The following HSD17B11 variants were observed in gnomAD, a reference collection of about 807,000 sequenced individuals.
HSD17B11 encodes the protein hydroxysteroid 17-beta dehydrogenase 11, also known as estradiol 17-beta-dehydrogenase 11.
Under a neutral mutation model 27.8 loss-of-function variants are expected in HSD17B11, and 22 were observed. The ratio of observed to expected loss-of-function variants is 0.79; its 90% CI spans 0.56 to 1.13. HSD17B11 has a LOEUF of 1.13. Ranked by LOEUF, HSD17B11 falls within the 50% of genes most tolerant of loss-of-function variation. The pLI, the probability that HSD17B11 is intolerant of heterozygous loss-of-function variation, is 0.00. For missense variants in HSD17B11, 314 were observed against 351.1 expected, an observed-to-expected ratio of 0.89 and a Z score of 0.84; for synonymous variants, 117 against 132.8, an observed-to-expected ratio of 0.88 and a Z score of 0.82.
chr4:87,384,449 A>C (rs1323983726), intron 1 of HSD17B11, among the ~76,000 whole-genome samples: 1 of 152,222 alleles, frequency 6.6e-6, no homozygotes, highest in Non-Finnish European at 1.5e-5. Context: ...GGGGTCGGGC[A>C]AAAAAGAGCC....
At chr4:87,378,831 AAT>A (rs370260155) in intron 2 of HSD17B11, among the ~76,000 whole-genome samples, 2,490 of 21,372 alleles carry the variant, frequency 0.12, 322 homozygotes, top group African/African-American at 0.23. Flanking sequence ...TATATATATA[AAT>A]ATATATATAT....
chr4:87,369,795 T>C (rs1735675962), intron 4 of HSD17B11, among the ~76,000 whole-genome samples: 2 of 152,218 alleles, frequency 1.3e-5, no homozygotes, highest in Non-Finnish European at 2.9e-5. Context: ...TCAGTTTTAC[T>C]GAGCGTTCCC....
chr4:87,362,102 C>T (rs760921671), intron 4 of HSD17B11, among the ~76,000 whole-genome samples: 2 of 152,176 alleles, frequency 1.3e-5, no homozygotes, highest in Non-Finnish European at 2.9e-5. Context: ...GGTTAGAGGC[C>T]CAACTTAGGG....
chr4:87,386,248 C>CT (rs1318760292), intron 1 of HSD17B11, among the ~76,000 whole-genome samples: 2 of 151,360 alleles, frequency 1.3e-5, no homozygotes, highest in Non-Finnish European at 2.9e-5. Context: ...TGTCACCCAG[C>CT]CTGGAGTGCA....
At chr4:87,385,578 T>C (rs975952722) in intron 1 of HSD17B11, among the ~76,000 whole-genome samples, 2 of 152,116 alleles carry the variant, frequency 1.3e-5, no homozygotes, top group Non-Finnish European at 2.9e-5. Flanking sequence ...TAAAATGGTG[T>C]GTTATGTCAT....
At chr4:87,365,300 A>C (rs1735594908) in intron 4 of HSD17B11, among the ~76,000 whole-genome samples, 1 of 152,238 alleles carries the variant, frequency 6.6e-6, no homozygotes, top group African/African-American at 2.4e-5. Context: ...TTTTCAGAAA[A>C]ATAGAAACTA....
Position 87,382,300 on chromosome 4 carries a change from C to T in HSD17B11, c.273G>A (p.Val91=). 6.2e-7 allele frequency: 1 copy of T among 1,614,074 alleles called. No individual in the cohort carries two copies. The highest frequency in any genetic ancestry group is 8.5e-7 in the Non-Finnish European group (1 of 1,179,960). ...KGLGAKVHTF[V]VDCSNREDIY... ...TATCTTCTCGGTTGCTGCAGTCTAC[C>T]ACAAAGGTATGAACCTTGGCACCCA... Residue 91 remains valine, a synonymous_variant, in exon 2 of 7, where the codon GTG becomes GTA. Transcript: ENST00000358290.
intron 4 of HSD17B11, among the ~76,000 whole-genome samples, chr4:87,362,084 T>C (rs926419996): frequency 1.3e-5 from 2 of 152,172 alleles, no homozygotes; most frequent in Non-Finnish European, 2.9e-5. Flanking sequence ...GGGTAAAGAA[T>C]GGGATTGGGT....
intron 5 of HSD17B11, among the ~76,000 whole-genome samples, chr4:87,355,595 T>G (rs1318920099): frequency 6.6e-6 from 1 of 152,114 alleles, no homozygotes; most frequent in African/African-American, 2.4e-5. Flanking sequence ...TTGTTTCTTA[T>G]GTATTAATTA....
chr4:87,381,555 C>T (rs182451631), intron 2 of HSD17B11, among the ~76,000 whole-genome samples: 114 of 151,624 alleles, frequency 7.5e-4, no homozygotes, highest in Non-Finnish European at 1.4e-3. Flanking sequence ...CTCAGGAGTT[C>T]GAGATCAGCC....
intron 4 of HSD17B11, among the ~76,000 whole-genome samples, chr4:87,359,056 C>G (rs757421966): frequency 4.8e-4 from 73 of 152,110 alleles, no homozygotes; most frequent in Non-Finnish European, 8.2e-4. Context: ...TACTCTCTCT[C>G]GCTGTCTCTC....
chr4:87,380,270 C>G (rs111990499), intron 2 of HSD17B11, among the ~76,000 whole-genome samples: 16 of 150,022 alleles, frequency 1.1e-4, no homozygotes, highest in Non-Finnish European at 1.8e-4. Context: ...GTCAGGAGAT[C>G]GAGACCATCC....
At chr4:87,344,632 A>G (rs545707078) in intron 5 of HSD17B11, among the ~76,000 whole-genome samples, 1 of 152,334 alleles carries the variant, frequency 6.6e-6, no homozygotes, top group South Asian at 2.1e-4. Context: ...AGACTTGAAT[A>G]ACACTATAAA....
chr4:87,385,928 A>AG (rs1439107218), intron 1 of HSD17B11: 1 of 151,946 alleles, frequency 6.6e-6, no homozygotes, highest in Admixed American at 6.6e-5. Context: ...AAAAAAAAAA[A>AG]AAGTATATTG....
Position 87,378,792 on chromosome 4 carries a change from TG to T in HSD17B11, c.318+3462del, listed in dbSNP as rs1260256868. ...AATATGTTTTGCGTGTATATATATATGATTTTATATATATATATAAATATAA... is the reference window on the plus strand; with the variant it reads ...AATATGTTTTGCGTGTATATATATATATTTTATATATATATATAAATATAA... On this transcript the variant is annotated intron_variant, in intron 2 of 6. Transcript: ENST00000358290. 4.4e-3 allele frequency among the ~76,000 whole-genome samples: 448 copies of T among 102,048 alleles called. 14 individuals are homozygous for T. Among genetic ancestry groups the T allele is most frequent in the African/African-American group, 0.018 (434 of 24,790 alleles). 66.9% of individuals were successfully genotyped at this position (102,048 alleles called of 152,430 possible).
At chr4:87,369,622 A>G (rs1735673370) in intron 4 of HSD17B11, among the ~76,000 whole-genome samples, 1 of 152,052 alleles carries the variant, frequency 6.6e-6, no homozygotes, top group Admixed American at 6.6e-5. Context: ...TTTTGTAGAG[A>G]TGAGATCTTG....
chr4:87,389,555 C>G (rs1451220396), intron 1 of HSD17B11, among the ~76,000 whole-genome samples: 1 of 152,194 alleles, frequency 6.6e-6, no homozygotes, highest in Non-Finnish European at 1.5e-5. Context: ...TCCATTTTCC[C>G]TACTAGACTG....
At chr4:87,375,904 GA>G (rs2110126817) in intron 2 of HSD17B11, among the ~76,000 whole-genome samples, 1 of 152,326 alleles carries the variant, frequency 6.6e-6, no homozygotes, top group South Asian at 2.1e-4. Context: ...GCTTAAGGGT[GA>G]AGAGTGGTTT....
intron 2 of HSD17B11, among the ~76,000 whole-genome samples, chr4:87,377,814 G>A (rs1735864900): frequency 6.6e-6 from 1 of 152,182 alleles, no homozygotes; most frequent in Non-Finnish European, 1.5e-5. Context: ...TTGGGGGACT[G>A]AGGGAAAAGT....
Sources: gnomAD v4.1 joint callset for allele counts (sites outside exome capture counted in the v4.1 genomes callset) on GRCh38, gnomAD v4.1.1 for gene constraint, MANE v1.5 for transcripts, NCBI Gene and HGNC (gene_info 2026-07-23, HGNC 2026-07-21) for gene names.